The following GABRG3 variants were observed in gnomAD, a reference collection of about 807,000 sequenced individuals.
GABRG3 encodes gamma-aminobutyric acid type A receptor subunit gamma3.
Under a neutral mutation model 48.8 loss-of-function variants are expected in GABRG3, and 25 were observed. The ratio of observed to expected loss-of-function variants is 0.51; its 90% CI spans 0.37 to 0.72. The LOEUF is 0.72. Among genes scored for constraint, GABRG3 ranks in the 30% least tolerant of loss-of-function variants. GABRG3 has a pLI of 0.00. For synonymous variants in GABRG3, 227 were observed against 217.6 expected (o/e 1.04, Z -0.38); for missense variants, 394 against 577.9 (o/e 0.68, Z 3.26).
chr15:27,445,111 G>C (rs1031780829), intron 5 of GABRG3, among the ~76,000 whole-genome samples: 1 of 152,156 alleles, frequency 6.6e-6, no homozygotes. Context: ...GACCTGAGGT[G>C]ATCCACCCGC....
At chr15:27,011,574 G>A (rs1373950741) in intron 2 of GABRG3, among the ~76,000 whole-genome samples, 3 of 152,168 alleles carry the variant, frequency 2.0e-5, no homozygotes, top group Non-Finnish European at 4.4e-5. Flanking sequence ...TAGGCTGGGC[G>A]CGGTGGCTCA....
At chr15:27,016,613 T>G (rs965128150) in intron 2 of GABRG3, among the ~76,000 whole-genome samples, 2 of 152,198 alleles carry the variant, frequency 1.3e-5, no homozygotes, top group African/African-American at 4.8e-5. Flanking sequence ...TATGGTTCTT[T>G]TAGCTTCTTG....
rs1891451143 is a variant in GABRG3 at position 27,532,622 on chromosome 15, G to A, written c.1145G>A (p.Arg382Lys). 6.2e-7 allele frequency: 1 copy of A among 1,613,778 alleles called. No individual in the cohort carries two copies. Among genetic ancestry groups the A allele is most frequent in the Non-Finnish European group, 8.5e-7 (1 of 1,179,824 alleles). ...CAGAACTATTCCCTCCTGGACATGAGGCCACCACCAACTGCGATGATCACT... is the reference window on the plus strand; with the variant it reads ...CAGAACTATTCCCTCCTGGACATGAAGCCACCACCAACTGCGATGATCACT... The part of the protein sequence containing the change: ...APSNYSLLDM[R>K]PPPTAMITLN... Residue 382 changes from arginine (R) to lysine (K), a missense_variant, in exon 10 of 10, where the codon AGG (arginine) becomes AAG (lysine). Arg to Lys is a conservative substitution (Grantham distance 26). Around this residue, in one of 3 missense-constraint regions of GABRG3, gnomAD observed 126 missense variants for 155.5 expected, o/e 0.81. Transcript: ENST00000615808.
chr15:27,354,232 G>A (rs34201738), intron 5 of GABRG3, among the ~76,000 whole-genome samples: 29,133 of 152,190 alleles, frequency 0.19, 3,120 homozygotes, highest in Middle Eastern at 0.3. Context: ...ATAGAAAACT[G>A]ACAGCATTTG....
chr15:27,335,034 T>C (rs906137867), intron 5 of GABRG3, among the ~76,000 whole-genome samples: 2 of 152,212 alleles, frequency 1.3e-5, no homozygotes, highest in East Asian at 3.8e-4. Flanking sequence ...TCTTAAATAA[T>C]TTCATTTCTT....
At chr15:27,323,644 C>G (rs1263756540) in intron 3 of GABRG3, among the ~76,000 whole-genome samples, 1 of 152,202 alleles carries the variant, frequency 6.6e-6, no homozygotes, top group Non-Finnish European at 1.5e-5. Flanking sequence ...AGCTCACAGT[C>G]TGTTCTGCAG....
At chr15:27,167,918 C>T (rs932964339) in intron 3 of GABRG3, among the ~76,000 whole-genome samples, 1 of 152,168 alleles carries the variant, frequency 6.6e-6, no homozygotes, top group African/African-American at 2.4e-5. Flanking sequence ...GGAACAGAGG[C>T]CCTGGCACCT....
intron 5 of GABRG3, among the ~76,000 whole-genome samples, chr15:27,388,087 G>A (rs1282502243): frequency 1.4e-4 from 7 of 49,796 alleles, no homozygotes; most frequent in East Asian, 1.3e-3. Flanking sequence ...GGAAGGAAAG[G>A]AGGGAGGAAA....
intron 2 of GABRG3, among the ~76,000 whole-genome samples, chr15:27,015,822 A>G (rs919355248): frequency 6.6e-6 from 1 of 152,174 alleles, no homozygotes; most frequent in Non-Finnish European, 1.5e-5. Flanking sequence ...TCAATTGCAT[A>G]TAAAAATTAT....
intron 3 of GABRG3, among the ~76,000 whole-genome samples, chr15:27,247,505 T>C (rs1890305771): frequency 6.6e-6 from 1 of 152,092 alleles, no homozygotes; most frequent in Non-Finnish European, 1.5e-5. Flanking sequence ...CTGAATGGCA[T>C]GCTTATTCTG....
At chr15:27,152,658 A>G (rs1898338321) in intron 3 of GABRG3, among the ~76,000 whole-genome samples, 1 of 152,154 alleles carries the variant, frequency 6.6e-6, no homozygotes, top group Non-Finnish European at 1.5e-5. Flanking sequence ...TTGATTTCTC[A>G]TCAGTATTAA....
intron 3 of GABRG3, among the ~76,000 whole-genome samples, chr15:27,309,679 A>G (rs1037799914): frequency 1.3e-5 from 2 of 152,120 alleles, no homozygotes; most frequent in African/African-American, 4.8e-5. Flanking sequence ...GGAAAGTAAT[A>G]GATGTGGAGT....
chr15:27,353,035 T>G (rs532481670), intron 5 of GABRG3, among the ~76,000 whole-genome samples: 3 of 152,264 alleles, frequency 2.0e-5, no homozygotes, highest in African/African-American at 7.2e-5. Context: ...TTTTCCCTTT[T>G]TATTACACAA....
At chr15:27,152,089 A>G (rs775476166) in intron 3 of GABRG3, among the ~76,000 whole-genome samples, 1 of 152,070 alleles carries the variant, frequency 6.6e-6, no homozygotes, top group South Asian at 2.1e-4. Flanking sequence ...TAAATTGCAA[A>G]TATTTTCTTC....
chr15:27,174,584 G>GTCTC (rs150022606), intron 3 of GABRG3, among the ~76,000 whole-genome samples: 6,774 of 139,674 alleles, frequency 0.048, 277 homozygotes, highest in African/African-American at 0.12. Context: ...TCTCTCTCTC[G>GTCTC]TCTCTCTCTC....
chr15:27,404,954 G>A (rs1887588501), intron 5 of GABRG3, among the ~76,000 whole-genome samples: 1 of 152,186 alleles, frequency 6.6e-6, no homozygotes, highest in African/African-American at 2.4e-5. Context: ...GCAAGTCAGG[G>A]TGTGGAGAGT....
At chr15:27,111,976 T>G (rs868649592) in intron 3 of GABRG3, among the ~76,000 whole-genome samples, 3 of 152,170 alleles carry the variant, frequency 2.0e-5, no homozygotes, top group African/African-American at 7.2e-5. Flanking sequence ...CCCATTCCTC[T>G]GCCAGGACCA....
At chr15:27,209,412 T>A (rs1319565731) in intron 3 of GABRG3, among the ~76,000 whole-genome samples, 1 of 151,872 alleles carries the variant, frequency 6.6e-6, no homozygotes, top group Non-Finnish European at 1.5e-5. Context: ...TTTTTTGAGA[T>A]GGACTCTTCT....
At chr15:27,170,351 G>A (rs943837363) in intron 3 of GABRG3, among the ~76,000 whole-genome samples, 4 of 152,082 alleles carry the variant, frequency 2.6e-5, no homozygotes, top group African/African-American at 9.7e-5. Context: ...ATGTTCTTTT[G>A]TAATAGATAC....
Sources: allele counts gnomAD v4.1 joint callset (sites outside exome capture counted in the v4.1 genomes callset), GRCh38; gene constraint gnomAD v4.1.1; regional missense constraint gnomAD v4.1.1; transcripts MANE v1.5; gene names NCBI Gene and HGNC (gene_info 2026-07-23, HGNC 2026-07-21).